The following STX3 variants were observed in gnomAD, a reference collection of about 807,000 sequenced individuals.
STX3 encodes syntaxin-3.
Under a neutral mutation model 40.2 loss-of-function variants are expected in STX3, and 19 were observed. The observed-to-expected ratio is 0.47, with a 90% CI of 0.33 to 0.69. STX3 has a LOEUF of 0.69. Ranked by LOEUF, STX3 falls within the 30% of genes least tolerant of loss-of-function variation. The probability of loss-of-function intolerance (pLI) is 0.02; values close to 1 mark genes in which losing one functional copy is unlikely to be tolerated. For missense variants in STX3, 364 were observed against 366.7 expected (o/e 0.99, Z 0.06); for synonymous variants, 122 against 132.2 (o/e 0.92, Z 0.53).
chr11:59,783,153 A>T (rs1197578122), intron 2 of STX3, among the ~76,000 whole-genome samples: 3 of 152,216 alleles, frequency 2.0e-5, no homozygotes, highest in Non-Finnish European at 4.4e-5. Context: ...AGCTTTCTAT[A>T]GGGAGCGGTG....
Position 59,755,532 on chromosome 11 carries a change from T to C in STX3, c.-74T>C. The C allele has an allele frequency of 1.3e-6, 2 of 1,510,646 alleles. No individual in the cohort carries two copies. The highest frequency in any genetic ancestry group is 1.8e-6 in the Non-Finnish European group (2 of 1,138,634). 93.6% of individuals were successfully genotyped at this position (1,510,646 alleles called of 1,614,324 possible). A position where few individuals can be genotyped will look rare whatever the true frequency, so the allele number is the denominator to read the frequency against. On this transcript the variant is annotated 5_prime_UTR_variant, in exon 1 of 11. Coordinates refer to ENST00000337979, the MANE Select transcript of STX3 (RefSeq NM_004177.5). ...GGGCCCGGCCGCCGCTTCCGGCAGC[T>C]CACCTGGGAAGCGCTCACCTGGGAC...
chr11:59,755,677 G>A, intron 1 of STX3, 42 bp downstream of exon 1: 2 of 1,575,812 alleles, frequency 1.3e-6, no homozygotes, highest in East Asian at 2.4e-5. Context: ...GAGGGGTGCT[G>A]CATGGGAGAG....
chr11:59,801,289 C>T lies in STX3; in HGVS notation c.*465C>T, dbSNP rs1403930182. The T allele has an allele frequency of 6.9e-5, 69 of 1,003,314 alleles. No homozygotes were observed. The highest frequency in any genetic ancestry group is 8.1e-5 in the Non-Finnish European group (68 of 840,844). The allele number at this position is 1,003,314 out of a possible 1,614,324, so 62.2% of individuals were successfully genotyped here. A position where few individuals can be genotyped will look rare whatever the true frequency, so the allele number is the denominator to read the frequency against. ...TCTTCTAAGTTTGGCAACAAGAAGGCTTGGATCTGAGTCTTCTACCTGGCA... is the reference window on the plus strand; with the variant it reads ...TCTTCTAAGTTTGGCAACAAGAAGGTTTGGATCTGAGTCTTCTACCTGGCA... On this transcript the variant is annotated 3_prime_UTR_variant, in exon 11 of 11. Transcript: ENST00000337979.
At position 59,801,671 on chromosome 11, in the gene STX3, G is replaced by T. The variant is rs958541629; in HGVS notation, c.*847G>T. The T allele has an allele frequency of 1.3e-5, 13 of 985,690 alleles. No homozygotes were observed. Among genetic ancestry groups the T allele is most frequent in the Non-Finnish European group, 1.6e-5 (13 of 829,954 alleles). The allele number at this position is 985,690 out of a possible 1,614,324, so 61.1% of individuals were successfully genotyped here. On this transcript the variant is annotated 3_prime_UTR_variant, in exon 11 of 11. Coordinates refer to ENST00000337979, the MANE Select transcript of STX3 (RefSeq NM_004177.5). ...GATTTTAAATTGGGCAAGGGACAAG[G>T]TGCTAGAATCCTAAGCTCTGGAAAT...
At chr11:59,785,940 C>T (rs1864735015) in intron 2 of STX3, among the ~76,000 whole-genome samples, 1 of 152,140 alleles carries the variant, frequency 6.6e-6, no homozygotes, top group South Asian at 2.1e-4. Context: ...GGCATGGGCA[C>T]CTATGAAGCG....
chr11:59,803,899 C>T lies in STX3; in HGVS notation c.*3075C>T, dbSNP rs1208413477. ...TCCTTCCACTTCTGTGGTACCATCACTTCTCCACGCAGACTCCTCATCAGC... is the reference window on the plus strand; with the variant it reads ...TCCTTCCACTTCTGTGGTACCATCATTTCTCCACGCAGACTCCTCATCAGC... On this transcript the variant is annotated 3_prime_UTR_variant, in exon 11 of 11. Coordinates refer to ENST00000337979, the MANE Select transcript of STX3 (RefSeq NM_004177.5). 6.5e-6 allele frequency: 1 copy of T among 153,188 alleles called. No individual in the cohort carries two copies. Among genetic ancestry groups the T allele is most frequent in the Admixed American group, 6.5e-5 (1 of 15,284 alleles). 9.5% of individuals were successfully genotyped at this position (153,188 alleles called of 1,614,324 possible).
Position 59,801,632 on chromosome 11 carries a change from CA to C in STX3, c.*813del. 1 of 985,480 alleles carries C rather than the reference CA, an allele frequency of 1.0e-6. No homozygotes were observed. Among genetic ancestry groups the C allele is most frequent in the Non-Finnish European group, 1.2e-6 (1 of 829,916 alleles). The allele number at this position is 985,480 out of a possible 1,614,324, so 61.0% of individuals were successfully genotyped here. On this transcript the variant is annotated 3_prime_UTR_variant, in exon 11 of 11. Coordinates refer to ENST00000337979, the MANE Select transcript of STX3 (RefSeq NM_004177.5). ...CTTTGTGAGACTATTGTCTTGGGGC[CA>C]AAAATAATCAGGGATTTTAAATTGG... is the stretch of plus-strand genomic sequence containing the variant.
rs932502455 is a variant in STX3 at position 59,803,240 on chromosome 11, G to C, written c.*2416G>C. 2.4e-6 allele frequency: 3 copies of C among 1,231,526 alleles called. No homozygotes were observed. Among genetic ancestry groups the C allele is most frequent in the African/African-American group, 1.6e-5 (1 of 64,374 alleles). The allele number at this position is 1,231,526 out of a possible 1,614,324, so 76.3% of individuals were successfully genotyped here. ...CAGAAGAAGATCATGATCATGATCT[G>C]CTGTATTATCCTTGCGATCATCTTA... On this transcript the variant is annotated 3_prime_UTR_variant, in exon 11 of 11. Transcript: ENST00000337979.
In STX3 at chr11:59,805,278, G is replaced by A. The variant is rs185433097; in HGVS notation, c.*4454G>A. On this transcript the variant is annotated 3_prime_UTR_variant, in exon 11 of 11. Transcript: ENST00000337979. The stretch of plus-strand genomic sequence containing the variant: ...TGTGTTCAGCTTTAAAACCAGCTAT[G>A]TGAATGTGAGTTCTAGTGCAGATTA... 2.0e-4 allele frequency: 30 copies of A among 151,520 alleles called. No homozygotes were observed. The highest frequency in any genetic ancestry group is 3.1e-4 in the Non-Finnish European group (21 of 67,956). The allele number at this position is 151,520 out of a possible 1,614,324, so 9.4% of individuals were successfully genotyped here. A position where few individuals can be genotyped will look rare whatever the true frequency, so the allele number is the denominator to read the frequency against.
chr11:59,760,218 C>T (rs1168970778), intron 1 of STX3, among the ~76,000 whole-genome samples: 3 of 152,116 alleles, frequency 2.0e-5, no homozygotes, highest in African/African-American at 4.8e-5. Flanking sequence ...TTGGCAGGAG[C>T]TAAGGGAGGG....
At chr11:59,800,692 T>G (rs1224758194) in intron 10 of STX3, 163 bp from the exon 11 acceptor site, 2 of 985,318 alleles carry the variant, frequency 2.0e-6, no homozygotes, top group Non-Finnish European at 2.4e-6. Flanking sequence ...TTTTTGTTCT[T>G]TGTACAGTGG....
At chr11:59,800,462 C>G (rs1190942693) in intron 10 of STX3, 2 of 985,226 alleles carry the variant, frequency 2.0e-6, no homozygotes, top group African/African-American at 1.7e-5. Context: ...CTTCTGTTTT[C>G]TAAAAGAAAG....
chr11:59,766,073 G>C (rs76883760), intron 1 of STX3, among the ~76,000 whole-genome samples: 15,790 of 152,070 alleles, frequency 0.1, 1,156 homozygotes, highest in African/African-American at 0.2. Context: ...TTATTTCTTT[G>C]ACCCAGAAAC....
At position 59,800,620 on chromosome 11, in the gene STX3, T is replaced by C. The variant is rs928294364; in HGVS notation, c.*31-235T>C. 4.1e-6 allele frequency: 4 copies of C among 985,454 alleles called. No individual in the cohort carries two copies. In the African/African-American group the frequency reaches 7.0e-5, roughly 17 times the overall value. The allele number at this position is 985,454 out of a possible 1,614,324, so 61.0% of individuals were successfully genotyped here. A position where few individuals can be genotyped will look rare whatever the true frequency, so the allele number is the denominator to read the frequency against. On this transcript the variant is annotated intron_variant, in intron 10 of 10. Transcript: ENST00000337979. The stretch of plus-strand genomic sequence containing the variant: ...CGTCCTTCCATGGGTGTGGACAGCC[T>C]GTGAGAAGGCTTATAAAAGGCCTAG...
chr11:59,774,676 C>T (rs2134935307), intron 2 of STX3, among the ~76,000 whole-genome samples: 1 of 152,090 alleles, frequency 6.6e-6, no homozygotes, highest in East Asian at 1.9e-4. Context: ...ACTAAACATA[C>T]AAATATTAGC....
rs117483859 is a variant in STX3 at position 59,763,570 on chromosome 11, A to G, written c.30+7935A>G. Among the ~76,000 whole-genome samples the G allele has an allele frequency of 5.0e-4, 76 of 152,358 alleles. 1 individual carries two copies. The East Asian group carries it at 0.013, about 26-fold the overall frequency. On this transcript the variant is annotated intron_variant, in intron 1 of 10. Coordinates refer to ENST00000337979, the MANE Select transcript of STX3 (RefSeq NM_004177.5). ...AGAAAATGCCAAATCTCACAGAATA[A>G]AAGTCATATAGGCCGTTTCCTAACA...
intron 4 of STX3, among the ~76,000 whole-genome samples, chr11:59,789,546 T>G (rs1252213557): frequency 6.6e-6 from 1 of 152,152 alleles, no homozygotes. Flanking sequence ...GTTCAAGTGA[T>G]TCTCATCCCT....
At chr11:59,794,226 T>C (rs559535455) in intron 8 of STX3, among the ~76,000 whole-genome samples, 6 of 152,324 alleles carry the variant, frequency 3.9e-5, no homozygotes, top group African/African-American at 1.4e-4. Context: ...GACAGCTTAC[T>C]TTGTCCCAGG....
chr11:59,754,417 T>C (rs1862607519), upstream of STX3: 1 of 152,390 alleles, frequency 6.6e-6, no homozygotes. Flanking sequence ...TTCTTCAGAA[T>C]TAAATCTTCG....
Sources: gnomAD v4.1 joint callset for allele counts (sites outside exome capture counted in the v4.1 genomes callset) on GRCh38, gnomAD v4.1.1 for gene constraint, MANE v1.5 for transcripts, NCBI Gene and HGNC (gene_info 2026-07-23, HGNC 2026-07-21) for gene names.